The following LAPTM4B variants were observed in gnomAD, a reference collection of about 807,000 sequenced individuals.
LAPTM4B encodes lysosomal protein transmembrane 4 beta.
Under a neutral mutation model 28.5 loss-of-function variants are expected in LAPTM4B, and 26 were observed. The observed-to-expected ratio is 0.91, with a 90% CI of 0.67 to 1.27. The LOEUF (loss-of-function observed/expected upper bound fraction) is 1.27, where lower values mean the gene tolerates loss of function less well. LAPTM4B is among the 50% of genes most tolerant of loss of function. The pLI, the probability that LAPTM4B is intolerant of heterozygous loss-of-function variation, is 0.00. For synonymous variants in LAPTM4B, 109 were observed against 106.4 expected, an observed-to-expected ratio of 1.02 and a Z score of -0.15; for missense variants, 288 against 285.8, an observed-to-expected ratio of 1.01 and a Z score of -0.06.
chr8:97,840,142 C>T (rs182314149), intron 6 of LAPTM4B, among the ~76,000 whole-genome samples: 87 of 152,306 alleles, frequency 5.7e-4, no homozygotes, highest in African/African-American at 1.9e-3. Flanking sequence ...ATAGGATTAC[C>T]GAGGTGATAG....
At chr8:97,813,984 G>A (rs960322508) in intron 2 of LAPTM4B, among the ~76,000 whole-genome samples, 8 of 152,212 alleles carry the variant, frequency 5.3e-5, no homozygotes, top group Non-Finnish European at 1.2e-4. Context: ...AGGTATAAAA[G>A]AATATTTATA....
At chr8:97,789,837 G>A (rs2129738217) in intron 1 of LAPTM4B, among the ~76,000 whole-genome samples, 1 of 151,996 alleles carries the variant, frequency 6.6e-6, no homozygotes, top group South Asian at 2.1e-4. Context: ...CCACCTTTTT[G>A]TACCCATTAA....
chr8:97,823,693 AT>A (rs1817045394), intron 5 of LAPTM4B, among the ~76,000 whole-genome samples: 1 of 102,178 alleles, frequency 9.8e-6, no homozygotes, highest in African/African-American at 4.6e-5. Flanking sequence ...ATTATTATTT[AT>A]TTAGTTTTTT....
At chr8:97,830,046 G>A (rs976568682) in intron 6 of LAPTM4B, among the ~76,000 whole-genome samples, 2 of 152,172 alleles carry the variant, frequency 1.3e-5, no homozygotes, top group Non-Finnish European at 2.9e-5. Context: ...GTAAAGGTGT[G>A]GGGGTCACTG....
At chr8:97,829,020 G>A (rs1048113208) in intron 6 of LAPTM4B, among the ~76,000 whole-genome samples, 25 of 152,172 alleles carry the variant, frequency 1.6e-4, no homozygotes, top group African/African-American at 5.5e-4. Flanking sequence ...TGGAAGAGCT[G>A]CAGAGGAAAA....
chr8:97,824,490 A>G (rs1322725234), intron 5 of LAPTM4B, among the ~76,000 whole-genome samples: 1 of 152,222 alleles, frequency 6.6e-6, no homozygotes, highest in Non-Finnish European at 1.5e-5. Flanking sequence ...TCTAAGCAGT[A>G]TTTATGTTGG....
At chr8:97,824,623 A>G (rs527603890) in intron 5 of LAPTM4B, among the ~76,000 whole-genome samples, 1 of 152,370 alleles carries the variant, frequency 6.6e-6, no homozygotes, top group East Asian at 1.9e-4. Context: ...GACTTGTGTA[A>G]TAAAATCACA....
Position 97,815,384 on chromosome 8 carries a change from A to G in LAPTM4B, c.268A>G (p.Thr90Ala), listed in dbSNP as rs140241715. 1.3e-5 allele frequency: 21 copies of G among 1,613,526 alleles called. No individual in the cohort carries two copies. The African/African-American group carries it at 1.7e-4, about 13-fold the overall frequency. ...CATGATCCTGATATGTGCTATGGCT[A>G]CTTACGGAGCGTACAAGGTAAGCCG... Reference protein sequence around the residue: ...LLMILICAMATYGAYKQRAAW... With the variant: ...LLMILICAMAAYGAYKQRAAW... Residue 90 changes from threonine to alanine, a missense_variant, in exon 3 of 7, where the codon ACT (threonine) becomes GCT (alanine). Coordinates refer to ENST00000521545, the MANE Select transcript of LAPTM4B (RefSeq NM_018407.6).
At chr8:97,840,899 C>T (rs964736611) in intron 6 of LAPTM4B, among the ~76,000 whole-genome samples, 1 of 148,532 alleles carries the variant, frequency 6.7e-6, no homozygotes, top group African/African-American at 2.5e-5. Flanking sequence ...GCGCTTCTCA[C>T]ATCCCAGATG....
At chr8:97,785,504 A>G (rs1026721472) in intron 1 of LAPTM4B, among the ~76,000 whole-genome samples, 6 of 152,068 alleles carry the variant, frequency 3.9e-5, no homozygotes, top group African/African-American at 1.4e-4. Flanking sequence ...TAAAAGGAAG[A>G]AGCTGAGGCA....
rs538015293 is a variant in LAPTM4B, at chr8:97,852,872, A to T, written c.*1398A>T. The stretch of plus-strand genomic sequence containing the variant: ...GGGATTTTCAAGCTTTTGCTCAAGT[A>T]ATTACTATGAAATAACAATTTCTAG... On this transcript the variant is annotated 3_prime_UTR_variant, in exon 7 of 7. Transcript: ENST00000521545. 4.9e-4 allele frequency: 185 copies of T among 378,916 alleles called. 1 individual carries two copies. The South Asian group carries it at 6.0e-3, about 12-fold the overall frequency. The allele number at this position is 378,916 out of a possible 1,614,324, so 23.5% of individuals were successfully genotyped here.
At chr8:97,805,775 G>A (rs772218177) in intron 2 of LAPTM4B, among the ~76,000 whole-genome samples, 1 of 152,180 alleles carries the variant, frequency 6.6e-6, no homozygotes, top group African/African-American at 2.4e-5. Flanking sequence ...GAAAAGGCTT[G>A]TGCTTATCTC....
Position 97,853,006 on chromosome 8 carries a change from T to G in LAPTM4B, c.*1532T>G, listed in dbSNP as rs1314353515. 5 of 883,836 alleles carry G rather than the reference T, an allele frequency of 5.7e-6. No homozygotes were observed. Among genetic ancestry groups the G allele is most frequent in the Non-Finnish European group, 8.6e-6 (5 of 584,286 alleles). 54.7% of individuals were successfully genotyped at this position (883,836 alleles called of 1,614,324 possible). A position where few individuals can be genotyped will look rare whatever the true frequency, so the allele number is the denominator to read the frequency against. On this transcript the variant is annotated 3_prime_UTR_variant, in exon 7 of 7. Transcript: ENST00000521545. ...CATACAAATGTTATCTACAGTGTAT[T>G]TTTAGATTTTTTATACTTGACCAGG...
chr8:97,834,547 TTGTGTG>T (rs10557729), intron 6 of LAPTM4B, among the ~76,000 whole-genome samples: 4 of 150,478 alleles, frequency 2.7e-5, no homozygotes, highest in African/African-American at 9.8e-5. Context: ...ATGTCCCTGG[TTGTGTG>T]TGTGTGTGTG....
chr8:97,814,893 CTG>C (rs1350033353), intron 2 of LAPTM4B, among the ~76,000 whole-genome samples: 2 of 152,130 alleles, frequency 1.3e-5, no homozygotes, highest in Non-Finnish European at 2.9e-5. Context: ...TGGGGTTTCA[CTG>C]TGTTAACCAG....
chr8:97,826,728 C>G (rs868226567), intron 6 of LAPTM4B, among the ~76,000 whole-genome samples: 1 of 152,102 alleles, frequency 6.6e-6, no homozygotes, highest in Admixed American at 6.5e-5. Context: ...AGATTGGTCT[C>G]GAACTCCTGA....
chr8:97,846,466 T>TA (rs1817436269), intron 6 of LAPTM4B, among the ~76,000 whole-genome samples: 1 of 152,130 alleles, frequency 6.6e-6, no homozygotes, highest in Admixed American at 6.5e-5. Context: ...TAGCTGGGAT[T>TA]ACAGGCATGC....
chr8:97,822,936 G>A (rs1470407938), intron 5 of LAPTM4B, among the ~76,000 whole-genome samples: 1 of 151,938 alleles, frequency 6.6e-6, no homozygotes, highest in Non-Finnish European at 1.5e-5. Flanking sequence ...CTGCTTCCCG[G>A]GTTCAAGCAA....
At chr8:97,789,966 CAA>C (rs1816473532) in intron 1 of LAPTM4B, among the ~76,000 whole-genome samples, 1 of 152,206 alleles carries the variant, frequency 6.6e-6, no homozygotes, top group Non-Finnish European at 1.5e-5. Context: ...TGAAAACATG[CAA>C]AGTTTGGTTT....
Sources: allele counts gnomAD v4.1 joint callset (sites outside exome capture counted in the v4.1 genomes callset), GRCh38; gene constraint gnomAD v4.1.1; transcripts MANE v1.5; gene names NCBI Gene and HGNC (gene_info 2026-07-23, HGNC 2026-07-21).